The following ADAMTS17 variants were observed in gnomAD, a reference collection of about 807,000 sequenced individuals.
ADAMTS17 encodes A disintegrin and metalloproteinase with thrombospondin motifs 17.
A neutral mutation model predicts 141.5 loss-of-function variants in ADAMTS17; 113 were observed. The observed-to-expected ratio is 0.80, with a 90% CI of 0.69 to 0.93. ADAMTS17 has a LOEUF of 0.93. Ranked by LOEUF, ADAMTS17 falls within the 40% of genes least tolerant of loss-of-function variation. The pLI, the probability that ADAMTS17 is intolerant of heterozygous loss-of-function variation, is 0.00. For synonymous variants in ADAMTS17, 768 were observed against 630.6 expected (o/e 1.22, Z -3.27); for missense variants, 1,659 against 1,517.9 (o/e 1.09, Z -1.54).
chr15:100,223,724 GTATATATACACATGTATGTGTATA>G lies in ADAMTS17; in HGVS notation c.1076-24325_1076-24302del, dbSNP rs771911740. On this transcript the variant is annotated intron_variant, in intron 7 of 21. Transcript: ENST00000268070. ...ATGTATATATGTATATACATATAGT[GTATATATACACATGTATGTGTATA>G]TATATATACACACACACATATATAT... is the stretch of plus-strand genomic sequence containing the variant. 9.7e-3 allele frequency among the ~76,000 whole-genome samples: 1,454 copies of G among 150,286 alleles called. 18 individuals carry two copies. Among genetic ancestry groups the G allele is most frequent in the South Asian group, 0.043 (207 of 4,770 alleles).
rs74910124 is a variant in ADAMTS17, at chr15:100,279,298, G to A, written c.789+1931C>T. Among the ~76,000 whole-genome samples the A allele has an allele frequency of 4.4e-3, 663 of 152,272 alleles. 1 individual carries two copies. The highest frequency in any genetic ancestry group is 0.015 in the African/African-American group (613 of 41,542). ...AACTTCCTCCCCAGCACTTACCCCT[G>A]AGCTCCAGCGCTCATCACACCAAGC... On this transcript the variant is annotated intron_variant, in intron 4 of 21. Transcript: ENST00000268070.
intron 15 of ADAMTS17, among the ~76,000 whole-genome samples, chr15:100,089,975 A>C (rs979341462): frequency 6.7e-6 from 1 of 148,346 alleles, no homozygotes; most frequent in Non-Finnish European, 1.5e-5. Flanking sequence ...TAGAACTTAA[A>C]AGTATAATAA....
chr15:100,139,071 T>C (rs1023088208), intron 10 of ADAMTS17, among the ~76,000 whole-genome samples: 1 of 152,098 alleles, frequency 6.6e-6, no homozygotes, highest in Non-Finnish European at 1.5e-5. Context: ...TTTCAAAGAC[T>C]GGGCATTAAA....
At chr15:100,095,116 A>T (rs2141012364) in intron 15 of ADAMTS17, among the ~76,000 whole-genome samples, 1 of 152,274 alleles carries the variant, frequency 6.6e-6, no homozygotes, top group Admixed American at 6.5e-5. Context: ...TGGACAGTGT[A>T]GCTACGGAGG....
At chr15:100,122,838 C>G (rs896789118) in intron 12 of ADAMTS17, among the ~76,000 whole-genome samples, 1 of 152,200 alleles carries the variant, frequency 6.6e-6, no homozygotes, top group Non-Finnish European at 1.5e-5. Flanking sequence ...AGGAGTTGGT[C>G]TTGCTGTCTC....
chr15:100,232,067 G>A (rs901690138), intron 7 of ADAMTS17, among the ~76,000 whole-genome samples: 4 of 152,166 alleles, frequency 2.6e-5, no homozygotes, highest in Non-Finnish European at 4.4e-5. Flanking sequence ...AATTGTCTTA[G>A]TGTCAAGACC....
intron 15 of ADAMTS17, among the ~76,000 whole-genome samples, chr15:100,087,429 T>C (rs569340237): frequency 1.6e-3 from 242 of 150,318 alleles, no homozygotes; most frequent in African/African-American, 5.5e-3. Flanking sequence ...GCTGGTACCA[T>C]TCCTTCTGAA....
At chr15:100,141,816 G>A (rs1165688224) in intron 10 of ADAMTS17, among the ~76,000 whole-genome samples, 1 of 152,230 alleles carries the variant, frequency 6.6e-6, no homozygotes, top group Non-Finnish European at 1.5e-5. Flanking sequence ...ACCATCTGCT[G>A]CCAAAGTCCA....
intron 6 of ADAMTS17, among the ~76,000 whole-genome samples, chr15:100,261,170 G>A (rs1265979890): frequency 6.6e-6 from 1 of 152,162 alleles, no homozygotes; most frequent in Non-Finnish European, 1.5e-5. Flanking sequence ...GGAGTAAGGT[G>A]AGCCCAAATC....
intron 12 of ADAMTS17, among the ~76,000 whole-genome samples, chr15:100,124,802 C>T (rs2037641733): frequency 6.6e-6 from 1 of 152,190 alleles, no homozygotes; most frequent in East Asian, 1.9e-4. Flanking sequence ...AGCTCTACCC[C>T]AAAATTTCCC....
In ADAMTS17 at chr15:99,974,241, G is replaced by C. The variant is rs1030449267; in HGVS notation, c.*161C>G. The C allele has an allele frequency of 1.2e-6, 1 of 840,280 alleles. No homozygotes were observed. The highest frequency in any genetic ancestry group is 1.9e-6 in the Non-Finnish European group (1 of 522,620). 52.1% of individuals were successfully genotyped at this position (840,280 alleles called of 1,614,324 possible). A position where few individuals can be genotyped will look rare whatever the true frequency, so the allele number is the denominator to read the frequency against. Reference sequence around the variant, plus strand: ...CCAGTGGCTGTTAACAATATATTAAGTACGGAAGCACTAATGGCAAACGCC... The same window carrying C: ...CCAGTGGCTGTTAACAATATATTAACTACGGAAGCACTAATGGCAAACGCC... On this transcript the variant is annotated 3_prime_UTR_variant, in exon 22 of 22. Coordinates refer to ENST00000268070, the MANE Select transcript of ADAMTS17 (RefSeq NM_139057.4).
intron 15 of ADAMTS17, among the ~76,000 whole-genome samples, chr15:100,068,705 G>A (rs1398170960): frequency 6.6e-6 from 1 of 152,148 alleles, no homozygotes; most frequent in African/African-American, 2.4e-5. Context: ...ACTGTTAGAA[G>A]GAAAACTAAC....
intron 4 of ADAMTS17, among the ~76,000 whole-genome samples, chr15:100,268,289 G>A (rs2043790322): frequency 6.6e-6 from 1 of 152,158 alleles, no homozygotes; most frequent in African/African-American, 2.4e-5. Flanking sequence ...ATGGCAGAAT[G>A]ATCTATACGC....
chr15:100,173,700 A>G (rs1276442952), intron 8 of ADAMTS17, among the ~76,000 whole-genome samples: 2 of 152,212 alleles, frequency 1.3e-5, no homozygotes, highest in Non-Finnish European at 2.9e-5. Flanking sequence ...ATTACACTGT[A>G]AGCATCCCAC....
chr15:99,990,306 G>T (rs940834675), intron 20 of ADAMTS17, among the ~76,000 whole-genome samples: 1 of 152,172 alleles, frequency 6.6e-6, no homozygotes. Context: ...AAAGTGCTGG[G>T]ACTACAGGTG....
chr15:100,315,960 T>A (rs1596506214), intron 3 of ADAMTS17, among the ~76,000 whole-genome samples: 1 of 152,348 alleles, frequency 6.6e-6, no homozygotes, highest in East Asian at 1.9e-4. Flanking sequence ...TGGCCAAGCC[T>A]TGAACACTCC....
At chr15:100,124,734 G>A (rs1438200011) in intron 12 of ADAMTS17, among the ~76,000 whole-genome samples, 2 of 145,872 alleles carry the variant, frequency 1.4e-5, no homozygotes, top group Admixed American at 7.2e-5. Flanking sequence ...TTAAAAATAA[G>A]CAAAAGAGTA....
intron 3 of ADAMTS17, among the ~76,000 whole-genome samples, chr15:100,308,462 C>T (rs998711972): frequency 2.6e-5 from 4 of 152,198 alleles, no homozygotes; most frequent in African/African-American, 7.2e-5. Context: ...CCACGTCATT[C>T]ACGCTGGAAG....
chr15:100,247,685 C>T (rs1288957501), intron 7 of ADAMTS17, among the ~76,000 whole-genome samples: 1 of 152,278 alleles, frequency 6.6e-6, no homozygotes, highest in Non-Finnish European at 1.5e-5. Flanking sequence ...AGCTTCTCTT[C>T]CTCTTTGACA....
Sources: gnomAD v4.1 joint callset for allele counts (sites outside exome capture counted in the v4.1 genomes callset) on GRCh38, gnomAD v4.1.1 for gene constraint, MANE v1.5 for transcripts, NCBI Gene and HGNC (gene_info 2026-07-23, HGNC 2026-07-21) for gene names.